The following SYT9 variants were observed in gnomAD, a reference collection of about 807,000 sequenced individuals.
The protein encoded by SYT9 is synaptotagmin 9.
In SYT9, 22 loss-of-function variants were observed where a neutral mutation model predicts 48.4. The observed-to-expected ratio is 0.45, with a 90% CI of 0.32 to 0.65. SYT9 has a LOEUF of 0.65. Among genes scored for constraint, SYT9 ranks in the 30% least tolerant of loss-of-function variants. The probability of loss-of-function intolerance (pLI) is 0.03; values close to 1 mark genes in which losing one functional copy is unlikely to be tolerated. For missense variants in SYT9, 577 were observed against 622.0 expected, an observed-to-expected ratio of 0.93 and a Z score of 0.77; for synonymous variants, 265 against 245.0, an observed-to-expected ratio of 1.08 and a Z score of -0.76.
At chr11:7,357,650 A>G (rs1478311301) in intron 3 of SYT9, among the ~76,000 whole-genome samples, 3 of 152,064 alleles carry the variant, frequency 2.0e-5, no homozygotes, top group Non-Finnish European at 4.4e-5. Flanking sequence ...TATATTAGTA[A>G]TTGTTGAACC....
intron 3 of SYT9, among the ~76,000 whole-genome samples, chr11:7,358,167 T>G (rs1239351965): frequency 6.6e-6 from 1 of 152,118 alleles, no homozygotes; most frequent in Non-Finnish European, 1.5e-5. Context: ...GAATACTGTT[T>G]TATAGAGGGG....
intron 3 of SYT9, among the ~76,000 whole-genome samples, chr11:7,357,184 TC>T (rs1340991213): frequency 1.3e-5 from 2 of 152,180 alleles, no homozygotes; most frequent in Non-Finnish European, 2.9e-5. Flanking sequence ...GAGATTTTTT[TC>T]CCCTAAACCA....
At chr11:7,328,295 A>C (rs1163245426) in intron 3 of SYT9, among the ~76,000 whole-genome samples, 1 of 151,960 alleles carries the variant, frequency 6.6e-6, no homozygotes, top group East Asian at 1.9e-4. Flanking sequence ...TTATAAATAC[A>C]TGTGGATTTA....
Position 7,451,185 on chromosome 11 carries a change from C to T in SYT9, c.1468-15607C>T, listed in dbSNP as rs1848040482. ...TTCAAAATAACCATAATTTCTAAACCCAGTAGGACATAGGACATGCACTGA... is the reference window on the plus strand; with the variant it reads ...TTCAAAATAACCATAATTTCTAAACTCAGTAGGACATAGGACATGCACTGA... On this transcript the variant is annotated intron_variant, in intron 6 of 6. Coordinates refer to ENST00000318881, the MANE Select transcript of SYT9 (RefSeq NM_175733.4). 2.6e-5 allele frequency among the ~76,000 whole-genome samples: 4 copies of T among 152,242 alleles called. No individual in the cohort carries two copies. The South Asian group carries it at 8.3e-4, about 32-fold the overall frequency.
chr11:7,429,950 G>C (rs966389213), intron 6 of SYT9, among the ~76,000 whole-genome samples: 4 of 152,084 alleles, frequency 2.6e-5, no homozygotes, highest in African/African-American at 9.7e-5. Flanking sequence ...AGGGCCTGTG[G>C]GAAGCTCTTC....
rs375692990 is a variant in SYT9 at position 7,387,820 on chromosome 11, G to A, written c.1045-28222G>A. On this transcript the variant is annotated intron_variant, in intron 3 of 6. Coordinates refer to ENST00000318881, the MANE Select transcript of SYT9 (RefSeq NM_175733.4). ...TTATTCTCTTATGGGCAGTTAAGTT[G>A]TTTAAATTTCATATGTTTAATCAAC... Among the ~76,000 whole-genome samples, 8 of 152,168 alleles carry A rather than the reference G, an allele frequency of 5.3e-5. No homozygotes were observed. In the East Asian group the frequency reaches 1.2e-3, roughly 22 times the overall value.
rs80228802 is a variant in SYT9, at chr11:7,419,219, A to G, written c.1337+1091A>G. Among the ~76,000 whole-genome samples the G allele has an allele frequency of 7.1e-3, 1,075 of 152,338 alleles. 15 individuals are homozygous for G. The highest frequency in any genetic ancestry group is 0.025 in the African/African-American group (1,021 of 41,574). ...AGCCTAGGCCAGCAATTTTTAAGCTATTGCCAAGTTTCCTGCATGGACAAA... is the reference window on the plus strand; with the variant it reads ...AGCCTAGGCCAGCAATTTTTAAGCTGTTGCCAAGTTTCCTGCATGGACAAA... On this transcript the variant is annotated intron_variant, in intron 5 of 6. Transcript: ENST00000318881.
intron 1 of SYT9, among the ~76,000 whole-genome samples, chr11:7,299,967 G>A (rs1057483702): frequency 6.6e-6 from 1 of 152,174 alleles, no homozygotes; most frequent in Admixed American, 6.5e-5. Context: ...GTCACATGGG[G>A]TTCTTAAGTT....
At chr11:7,316,586 GAAT>G (rs1478097383) in intron 3 of SYT9, among the ~76,000 whole-genome samples, 7 of 152,110 alleles carry the variant, frequency 4.6e-5, no homozygotes, top group African/African-American at 1.7e-4. Flanking sequence ...CTGTGATTCT[GAAT>G]AATATCGCAG....
At chr11:7,274,991 C>A (rs1848361215) in intron 1 of SYT9, among the ~76,000 whole-genome samples, 1 of 151,588 alleles carries the variant, frequency 6.6e-6, no homozygotes, top group South Asian at 2.1e-4. Flanking sequence ...AAGCCACAAC[C>A]CACTGGAGTG....
intron 1 of SYT9, among the ~76,000 whole-genome samples, chr11:7,302,510 T>A (rs1196294682): frequency 6.6e-6 from 1 of 152,234 alleles, no homozygotes; most frequent in African/African-American, 2.4e-5. Flanking sequence ...CACAGAAGAT[T>A]TGAGCTTCAT....
rs751872066 is a variant in SYT9, at chr11:7,313,759, G to A, written c.862G>A (p.Val288Met). ...GACCCTGAACCCTGTGTTTGATGAA[G>A]TGTTTTTATTTCCGGTTCCCTACAA... Reference protein sequence around the residue: ...RKTLNPVFDEVFLFPVPYNDL... With the variant: ...RKTLNPVFDEMFLFPVPYNDL... Residue 288 changes from valine (V) to methionine (M), a missense_variant, in exon 3 of 7, where the codon GTG becomes ATG. Coordinates refer to ENST00000318881, the MANE Select transcript of SYT9 (RefSeq NM_175733.4). 41 of 1,614,060 alleles carry A rather than the reference G, an allele frequency of 2.5e-5. 1 individual carries two copies. The Middle Eastern group carries it at 1.6e-3, about 65-fold the overall frequency.
intron 3 of SYT9, among the ~76,000 whole-genome samples, chr11:7,413,539 T>G (rs1564894920): frequency 1.3e-5 from 2 of 152,178 alleles, no homozygotes; most frequent in African/African-American, 4.8e-5. Context: ...GTCTCTCACT[T>G]ACCCTTTCCC....
At chr11:7,322,674 T>A (rs947395689) in intron 3 of SYT9, among the ~76,000 whole-genome samples, 6 of 152,130 alleles carry the variant, frequency 3.9e-5, no homozygotes, top group African/African-American at 1.4e-4. Flanking sequence ...TTGGTTTTTT[T>A]AATAAAATAT....
rs752262079 is a variant in SYT9 at position 7,303,158 on chromosome 11, T to C, written c.265T>C (p.Ser89Pro). ...WVPWRERGLP[S>P]GSKDNNQEPL... ...TCCGTGGCGAGAACGAGGCCTGCCCTCTGGTAGCAAAGACAACAACCAGGA... is the reference window on the plus strand; with the variant it reads ...TCCGTGGCGAGAACGAGGCCTGCCCCCTGGTAGCAAAGACAACAACCAGGA... The change falls in exon 2 of 7, where the codon TCT (serine) becomes CCT (proline). Residue 89 changes from serine (S) to proline (P), a missense_variant. Coordinates refer to ENST00000318881, the MANE Select transcript of SYT9 (RefSeq NM_175733.4). The C allele has an allele frequency of 6.2e-7, 1 of 1,614,128 alleles. No homozygotes were observed.
intron 3 of SYT9, among the ~76,000 whole-genome samples, chr11:7,399,781 C>T (rs1052475159): frequency 1.3e-5 from 2 of 152,204 alleles, no homozygotes; most frequent in Admixed American, 6.5e-5. Flanking sequence ...GTAAACTTGC[C>T]GTCACAGGCA....
At chr11:7,314,211 C>A (rs1849199976) in intron 3 of SYT9, 2 of 574,104 alleles carry the variant, frequency 3.5e-6, no homozygotes, top group African/African-American at 1.8e-5. Flanking sequence ...TAAGAGACAG[C>A]AGGTGTTATC....
At position 7,241,044 on chromosome 11, in the gene SYT9, A is replaced by G. The variant is rs575159398; in HGVS notation, c.49+2128A>G. Among the ~76,000 whole-genome samples, 7 of 152,288 alleles carry G rather than the reference A, an allele frequency of 4.6e-5. No individual in the cohort carries two copies. The East Asian group carries it at 1.3e-3, about 29-fold the overall frequency. ...GGAAAGAAATAGTCTTCTATGGGGA[A>G]TAAAACATTTTAAAAGAAAAAAACT... On this transcript the variant is annotated intron_variant and NMD_transcript_variant, in intron 1 of 8. Coordinates refer to the SYT9 transcript ENST00000524820.
chr11:7,288,537 A>T (rs1848639127), intron 1 of SYT9, among the ~76,000 whole-genome samples: 1 of 152,196 alleles, frequency 6.6e-6, no homozygotes, highest in Non-Finnish European at 1.5e-5. Context: ...CACAGATAGG[A>T]AGGACCTCTG....
Sources: gnomAD v4.1 joint callset for allele counts (sites outside exome capture counted in the v4.1 genomes callset) on GRCh38, gnomAD v4.1.1 for gene constraint, MANE v1.5 for transcripts, NCBI Gene and HGNC (gene_info 2026-07-23, HGNC 2026-07-21) for gene names.